Variants in KCNH7 observed in about 807,000 individuals in gnomAD.
The protein encoded by KCNH7 is potassium voltage-gated channel subfamily H member 7.
Under a neutral mutation model 120.8 loss-of-function variants are expected in KCNH7, and 49 were observed. That is an observed-to-expected ratio of 0.41 (90% CI 0.32 to 0.51). The LOEUF is 0.51. Ranked by LOEUF, KCNH7 falls within the 20% of genes least tolerant of loss-of-function variation. The pLI, the probability that KCNH7 is intolerant of heterozygous loss-of-function variation, is 0.38. For synonymous variants in KCNH7, 547 were observed against 516.1 expected, an observed-to-expected ratio of 1.06 and a Z score of -0.81; for missense variants, 1,097 against 1,446.6, an observed-to-expected ratio of 0.76 and a Z score of 3.92.
intron 6 of KCNH7, among the ~76,000 whole-genome samples, chr2:162,499,540 A>C (rs1690607156): frequency 6.6e-6 from 1 of 152,184 alleles, no homozygotes; most frequent in Admixed American, 6.6e-5. Context: ...AAATATGGCA[A>C]AATGAAATAT....
chr2:162,836,577 T>C lies in KCNH7; in HGVS notation c.267A>G (p.Ser89=). The change falls in exon 2 of 16, where the codon TCA becomes TCG. Residue 89 remains serine, a synonymous_variant. Coordinates refer to ENST00000332142, the MANE Select transcript of KCNH7 (RefSeq NM_033272.4). ...IAQIAQALLG[S]EERKVEVTYY... ...AGGTGACCTCCACTTTCCTCTCTTC[T>C]GACCCCAGCAATGCCTGGGCAATTT... 6.2e-7 allele frequency: 1 copy of C among 1,614,158 alleles called. No individual in the cohort carries two copies. The highest frequency in any genetic ancestry group is 8.5e-7 in the Non-Finnish European group (1 of 1,180,020).
chr2:162,676,068 C>G (rs1685520583), intron 2 of KCNH7, among the ~76,000 whole-genome samples: 1 of 151,412 alleles, frequency 6.6e-6, no homozygotes, highest in Non-Finnish European at 1.5e-5. Flanking sequence ...GCTGAACCTT[C>G]CTGTATTTAA....
At chr2:162,752,906 A>AG (rs1688614999) in intron 2 of KCNH7, among the ~76,000 whole-genome samples, 1 of 28,042 alleles carries the variant, frequency 3.6e-5, no homozygotes, top group Non-Finnish European at 7.5e-5. Context: ...ATCTCAGAAA[A>AG]AGAAAAGAAA....
intron 2 of KCNH7, among the ~76,000 whole-genome samples, chr2:162,543,750 T>C (rs1692390722): frequency 6.6e-6 from 1 of 152,120 alleles, no homozygotes; most frequent in Non-Finnish European, 1.5e-5. Flanking sequence ...ATTCCTCATC[T>C]ATAAAATAAG....
Position 162,522,254 on chromosome 2 carries a change from G to A in KCNH7, c.464-4096C>T, listed in dbSNP as rs189255107. Among the ~76,000 whole-genome samples, 585 of 151,926 alleles carry A rather than the reference G, an allele frequency of 3.9e-3. 8 individuals carry two copies. Among genetic ancestry groups the A allele is most frequent in the African/African-American group, 0.013 (543 of 41,514 alleles). On this transcript the variant is annotated intron_variant, in intron 3 of 15. Transcript: ENST00000332142. ...CAAATCAATTCTGCAAGCTTATTAC[G>A]ATGCATTGAAAGTCAATGACTACTT... is the stretch of plus-strand genomic sequence containing the variant.
chr2:162,457,833 C>T (rs562744255), intron 6 of KCNH7, among the ~76,000 whole-genome samples: 2 of 152,116 alleles, frequency 1.3e-5, no homozygotes, highest in South Asian at 2.1e-4. Context: ...TATATAGCAT[C>T]GGGAAGGACT....
intron 2 of KCNH7, among the ~76,000 whole-genome samples, chr2:162,592,770 G>T (rs571461763): frequency 6.6e-6 from 1 of 152,000 alleles, no homozygotes; most frequent in Admixed American, 6.6e-5. Context: ...CTATACTGGC[G>T]AAGATTGGCC....
At chr2:162,723,955 T>C (rs759724957) in intron 2 of KCNH7, among the ~76,000 whole-genome samples, 25 of 152,208 alleles carry the variant, frequency 1.6e-4, no homozygotes, top group Non-Finnish European at 2.6e-4. Context: ...AATAAAATTA[T>C]TGGTTGAAAG....
intron 6 of KCNH7, among the ~76,000 whole-genome samples, chr2:162,494,809 G>C (rs1690439141): frequency 6.6e-6 from 1 of 152,110 alleles, no homozygotes; most frequent in African/African-American, 2.4e-5. Flanking sequence ...GGAATAGAGG[G>C]AAGCATATGG....
intron 4 of KCNH7, 26 bp downstream of exon 4, chr2:162,517,704 T>A (rs368321349): frequency 6.6e-7 from 1 of 1,517,770 alleles, no homozygotes; most frequent in African/African-American, 1.4e-5. Context: ...AATATATGTT[T>A]CCATTTAAAA....
chr2:162,561,364 A>G (rs1302857509), intron 2 of KCNH7, among the ~76,000 whole-genome samples: 1 of 152,194 alleles, frequency 6.6e-6, no homozygotes, highest in Non-Finnish European at 1.5e-5. Flanking sequence ...GTGAAAATGT[A>G]AACTTTCTAG....
chr2:162,662,855 A>G (rs902724720), intron 2 of KCNH7, among the ~76,000 whole-genome samples: 1 of 152,238 alleles, frequency 6.6e-6, no homozygotes, highest in African/African-American at 2.4e-5. Flanking sequence ...TGTGCACAAT[A>G]AATATTTGTT....
At chr2:162,609,894 G>A (rs978683172) in intron 2 of KCNH7, among the ~76,000 whole-genome samples, 9 of 152,272 alleles carry the variant, frequency 5.9e-5, no homozygotes, top group African/African-American at 1.7e-4. Flanking sequence ...GCAGATTATC[G>A]TCAGGAAGAG....
intron 8 of KCNH7, among the ~76,000 whole-genome samples, chr2:162,431,764 T>C (rs1396841875): frequency 6.6e-6 from 1 of 151,638 alleles, no homozygotes; most frequent in Non-Finnish European, 1.5e-5. Flanking sequence ...ACATGTATTA[T>C]TCTTAATAAA....
At chr2:162,733,098 C>A (rs1386081660) in intron 2 of KCNH7, among the ~76,000 whole-genome samples, 1 of 152,138 alleles carries the variant, frequency 6.6e-6, no homozygotes, top group African/African-American at 2.4e-5. Flanking sequence ...GGGGCCAGGA[C>A]TTTCCAGGAA....
intron 9 of KCNH7, among the ~76,000 whole-genome samples, chr2:162,401,151 C>A (rs16846671): frequency 0.019 from 2,949 of 151,922 alleles, 101 homozygotes; most frequent in African/African-American, 0.068. Flanking sequence ...TTTTGACAAC[C>A]TATTCAGGGC....
chr2:162,665,539 A>G (rs1026904415), intron 2 of KCNH7, among the ~76,000 whole-genome samples: 2 of 152,174 alleles, frequency 1.3e-5, no homozygotes, highest in Non-Finnish European at 2.9e-5. Context: ...CATTTCATAA[A>G]TGGAGTTCTT....
intron 2 of KCNH7, among the ~76,000 whole-genome samples, chr2:162,737,270 G>A (rs946730680): frequency 1.3e-5 from 2 of 152,110 alleles, no homozygotes; most frequent in Non-Finnish European, 1.5e-5. Flanking sequence ...AGCTCTAAGA[G>A]AAGCAGCTGC....
intron 2 of KCNH7, among the ~76,000 whole-genome samples, chr2:162,815,264 T>A (rs1347938445): frequency 6.6e-6 from 1 of 152,156 alleles, no homozygotes; most frequent in Non-Finnish European, 1.5e-5. Context: ...AGCCTTCTAT[T>A]GAAACTAGGG....
Sources: allele counts gnomAD v4.1 joint callset (sites outside exome capture counted in the v4.1 genomes callset), GRCh38; gene constraint gnomAD v4.1.1; transcripts MANE v1.5; gene names NCBI Gene and HGNC (gene_info 2026-07-23, HGNC 2026-07-21).